ABCC6: variants seen among roughly 807,000 people sequenced by gnomAD.
The protein encoded by ABCC6 is ATP binding cassette subfamily C member 6.
A neutral mutation model predicts 169.5 loss-of-function variants in ABCC6; 126 were observed. That is an observed-to-expected ratio of 0.74 (90% confidence interval 0.64 to 0.86). The LOEUF (loss-of-function observed/expected upper bound fraction) is 0.86, where lower values mean the gene tolerates loss of function less well. Ranked by LOEUF, ABCC6 falls within the 40% of genes least tolerant of loss-of-function variation. The pLI is 0.00. For synonymous variants in ABCC6, 752 were observed against 814.7 expected (o/e 0.92, Z 1.31); for missense variants, 1,733 against 1,927.2 (o/e 0.90, Z 1.89).
chr16:16,168,188 C>T lies in ABCC6; in HGVS notation c.2995+1458G>A, dbSNP rs2046935265. 6.8e-4 allele frequency among the ~76,000 whole-genome samples: 5 copies of T among 7,302 alleles called. No individual in the cohort carries two copies. The Admixed American group carries it at 8.7e-3, about 13-fold the overall frequency. 4.8% of individuals were successfully genotyped at this position (7,302 alleles called of 152,430 possible). ...ACGAATCAACATGAAAACGAGGCAA[C>T]TGTCCTTTAAAGATGAAGCCAGGCC... On this transcript the variant is annotated intron_variant, in intron 22 of 30. Transcript: ENST00000205557.
At chr16:16,196,892 G>A (rs1040464459) in intron 10 of ABCC6, among the ~76,000 whole-genome samples, 2 of 151,884 alleles carry the variant, frequency 1.3e-5, no homozygotes, top group African/African-American at 4.8e-5. Flanking sequence ...CAGTAGAGAC[G>A]GGGTTGGCCA....
intron 7 of ABCC6, among the ~76,000 whole-genome samples, chr16:16,204,527 A>G (rs2048334389): frequency 6.6e-6 from 1 of 152,220 alleles, no homozygotes; most frequent in Non-Finnish European, 1.5e-5. Flanking sequence ...ACAGAAGCTC[A>G]GGCTGCCTCA....
intron 26 of ABCC6, among the ~76,000 whole-genome samples, 173 bp from the exon 27 acceptor site, chr16:16,157,982 A>G (rs2046605441): frequency 6.6e-6 from 1 of 152,204 alleles, no homozygotes; most frequent in African/African-American, 2.4e-5. Context: ...GTCAATGCTA[A>G]AAACAGATGG....
At chr16:16,222,768 C>T (rs2141229921) in intron 1 of ABCC6, among the ~76,000 whole-genome samples, 1 of 151,964 alleles carries the variant, frequency 6.6e-6, no homozygotes. Context: ...CTTCAATTCT[C>T]TCTCCGCTGT....
At chr16:16,167,329 C>T (rs1156714486) in intron 22 of ABCC6, among the ~76,000 whole-genome samples, 1 of 152,176 alleles carries the variant, frequency 6.6e-6, no homozygotes, top group East Asian at 1.9e-4. Flanking sequence ...CTAAGCTGGA[C>T]AGGAAGCTGT....
intron 29 of ABCC6, 107 bp downstream of exon 29, chr16:16,154,521 G>C: frequency 7.3e-7 from 1 of 1,375,850 alleles, no homozygotes; most frequent in Non-Finnish European, 1.0e-6. Context: ...TAATGTAACA[G>C]AGTGATAATC....
In ABCC6 at chr16:16,171,092, G is replaced by C. The variant is rs562671148; in HGVS notation, c.2788-1239C>G. On this transcript the variant is annotated intron_variant, in intron 21 of 30. Transcript: ENST00000205557. ...TTGCACCTGCTGCTCTCTCTGCCTG[G>C]AGCGCTCTTTCTCCTGCCCTTTGTA... 4.5e-3 allele frequency among the ~76,000 whole-genome samples: 680 copies of C among 151,968 alleles called. 3 individuals carry two copies. The highest frequency in any genetic ancestry group is 5.0e-3 in the Non-Finnish European group (340 of 67,970).
intron 10 of ABCC6, among the ~76,000 whole-genome samples, chr16:16,196,931 G>T (rs1264337206): frequency 2.0e-5 from 3 of 152,048 alleles, no homozygotes; most frequent in African/African-American, 7.2e-5. Context: ...GGCCTCAAGT[G>T]ATCCACCTAC....
At chr16:16,189,912 C>G (rs1212113832) in intron 12 of ABCC6, among the ~76,000 whole-genome samples, 1 of 152,134 alleles carries the variant, frequency 6.6e-6, no homozygotes, top group East Asian at 1.9e-4. Flanking sequence ...CCCTCCTCCC[C>G]ACATCGGTAG....
intron 17 of ABCC6, among the ~76,000 whole-genome samples, chr16:16,179,594 CGTT>C (rs1166251461): frequency 6.6e-6 from 1 of 151,896 alleles, no homozygotes. Context: ...CTGCTGTTGT[CGTT>C]GTTATTATTG....
intron 21 of ABCC6, chr16:16,173,076 G>C: frequency 1.5e-6 from 1 of 656,350 alleles, no homozygotes; most frequent in South Asian, 2.0e-5. Context: ...AAAGAATTCA[G>C]TTTCTTTATG....
intron 12 of ABCC6, among the ~76,000 whole-genome samples, 193 bp downstream of exon 12, chr16:16,189,971 C>T (rs927345315): frequency 2.6e-5 from 4 of 152,100 alleles, no homozygotes; most frequent in African/African-American, 9.7e-5. Flanking sequence ...CAGCCACTGC[C>T]ACCTTTGCTA....
At chr16:16,152,391 C>G (rs2046412055) in intron 29 of ABCC6, among the ~76,000 whole-genome samples, 1 of 151,802 alleles carries the variant, frequency 6.6e-6, no homozygotes, top group South Asian at 2.1e-4. Context: ...AAACAGCATC[C>G]TTTTACATGA....
chr16:16,205,747 A>G (rs569465926), intron 7 of ABCC6, among the ~76,000 whole-genome samples: 1 of 152,298 alleles, frequency 6.6e-6, no homozygotes, highest in East Asian at 1.9e-4. Context: ...TTAGAACCCC[A>G]GGTGGGTAGA....
At chr16:16,159,156 T>G (rs1157210063) in intron 26 of ABCC6, among the ~76,000 whole-genome samples, 1 of 152,206 alleles carries the variant, frequency 6.6e-6, no homozygotes, top group Non-Finnish European at 1.5e-5. Context: ...ATATTGCCAT[T>G]GTGTTGCTGT....
At chr16:16,182,287 T>C in intron 17 of ABCC6, 125 bp downstream of exon 17, 1 of 1,303,858 alleles carries the variant, frequency 7.7e-7, no homozygotes, top group Non-Finnish European at 1.1e-6. Context: ...GCTGAGCCCT[T>C]TTTCTCCGCT....
chr16:16,184,758 G>T (rs1458813041), intron 15 of ABCC6, among the ~76,000 whole-genome samples: 1 of 152,040 alleles, frequency 6.6e-6, no homozygotes, highest in Admixed American at 6.5e-5. Flanking sequence ...AGGAGATACT[G>T]GTCTATGCTG....
intron 16 of ABCC6, 42 bp downstream of exon 16, chr16:16,182,755 GACTTTCA>G: frequency 6.2e-7 from 1 of 1,612,172 alleles, no homozygotes; most frequent in Non-Finnish European, 8.5e-7. Flanking sequence ...GAGGAAGTGG[GACTTTCA>G]GGATGGGGAC....
intron 21 of ABCC6, 51 bp from the exon 22 acceptor site, chr16:16,169,904 G>A (rs2047004623): frequency 1.3e-6 from 2 of 1,536,004 alleles, no homozygotes; most frequent in East Asian, 4.9e-5. Context: ...CAGTGGGAGG[G>A]GTGGGTTGAG....
Sources: gnomAD v4.1 joint callset for allele counts (sites outside exome capture counted in the v4.1 genomes callset) on GRCh38, gnomAD v4.1.1 for gene constraint, MANE v1.5 for transcripts, NCBI Gene and HGNC (gene_info 2026-07-23, HGNC 2026-07-21) for gene names.